Variants in SV2C observed in about 807,000 individuals in gnomAD.
SV2C encodes solute carrier family 22 member B3.
SV2C carries 49 observed loss-of-function variants against 79.7 expected under a neutral mutation model. The ratio of observed to expected loss-of-function variants is 0.61; its 90% CI spans 0.49 to 0.78. The LOEUF is 0.78. Among genes scored for constraint, SV2C ranks in the 30% least tolerant of loss-of-function variants. The pLI is 0.00. For synonymous variants in SV2C, 334 were observed against 333.2 expected (o/e 1.00, Z -0.03); for missense variants, 833 against 912.9 (o/e 0.91, Z 1.13).
At chr5:76,128,872 G>A (rs972727808) in intron 1 of SV2C, among the ~76,000 whole-genome samples, 2 of 152,182 alleles carry the variant, frequency 1.3e-5, no homozygotes, top group Non-Finnish European at 2.9e-5. Context: ...CACACCCGGT[G>A]TGTAAGCCCC....
Position 76,300,719 on chromosome 5 carries a change from GT to G in SV2C, c.1637-7del. ...AGCTTGATGAATTGTCTTTGTTGTTGTTTCTACAGATTTTGAGCCATATAAA... is the reference window on the plus strand; with the variant it reads ...AGCTTGATGAATTGTCTTTGTTGTTGTTCTACAGATTTTGAGCCATATAAA... On this transcript the variant is annotated splice_polypyrimidine_tract_variant and intron_variant, in intron 10 of 12. Transcript: ENST00000502798. The G allele has an allele frequency of 1.2e-6, 2 of 1,613,444 alleles. No homozygotes were observed. The highest frequency in any genetic ancestry group is 1.7e-6 in the Non-Finnish European group (2 of 1,179,492).
chr5:76,192,642 C>G (rs1330473939), intron 2 of SV2C, among the ~76,000 whole-genome samples: 1 of 152,216 alleles, frequency 6.6e-6, no homozygotes, highest in Non-Finnish European at 1.5e-5. Context: ...CCTTTGCCAA[C>G]ATTTAAAGGT....
intron 4 of SV2C, among the ~76,000 whole-genome samples, chr5:76,212,817 G>A (rs1460007149): frequency 1.3e-5 from 2 of 152,098 alleles, no homozygotes; most frequent in Non-Finnish European, 2.9e-5. Flanking sequence ...TTGAACTCTG[G>A]ATGGTTCCAG....
the SV2C span, among the ~76,000 whole-genome samples, chr5:75,923,062 A>G: frequency 6.6e-6 from 1 of 152,236 alleles, no homozygotes; most frequent in African/African-American, 2.4e-5. Context: ...ACTGGCATAA[A>G]AATAGGCATG....
chr5:75,934,121 G>C, the SV2C span, among the ~76,000 whole-genome samples: 1 of 152,060 alleles, frequency 6.6e-6, no homozygotes, highest in Non-Finnish European at 1.5e-5. Flanking sequence ...AGCTGAAAGT[G>C]ATTTATCCAA....
chr5:75,850,043 C>A, the SV2C span, among the ~76,000 whole-genome samples: 8 of 152,010 alleles, frequency 5.3e-5, no homozygotes, highest in Non-Finnish European at 1.2e-4. Context: ...GATTTAATAT[C>A]TTTGATATGG....
chr5:76,212,888 T>G (rs1192169247), intron 4 of SV2C, among the ~76,000 whole-genome samples: 1 of 152,216 alleles, frequency 6.6e-6, no homozygotes, highest in Non-Finnish European at 1.5e-5. Flanking sequence ...ATAAGCATGA[T>G]CACCACTTTC....
the SV2C span, among the ~76,000 whole-genome samples, chr5:76,017,813 C>T: frequency 1.3e-5 from 2 of 152,120 alleles, no homozygotes; most frequent in African/African-American, 4.8e-5. Flanking sequence ...ATTGAGGTGC[C>T]AATCAGATGC....
At chr5:75,940,681 G>A in the SV2C span, among the ~76,000 whole-genome samples, 3 of 152,100 alleles carry the variant, frequency 2.0e-5, no homozygotes, top group Admixed American at 1.3e-4. Flanking sequence ...GTACCAAATC[G>A]ATGAAAGAGA....
chr5:76,268,961 C>T (rs1746755762), intron 4 of SV2C, among the ~76,000 whole-genome samples: 1 of 152,212 alleles, frequency 6.6e-6, no homozygotes, highest in Admixed American at 6.5e-5. Flanking sequence ...TCCTAAAAGT[C>T]GGTTTTCACA....
the SV2C span, among the ~76,000 whole-genome samples, chr5:76,046,310 T>A: frequency 6.6e-6 from 1 of 152,008 alleles, no homozygotes; most frequent in Admixed American, 6.5e-5. Context: ...TGCTAAAATA[T>A]GCTAAAATAA....
At chr5:76,096,270 T>C (rs899444550) in intron 1 of SV2C, among the ~76,000 whole-genome samples, 6 of 152,322 alleles carry the variant, frequency 3.9e-5, no homozygotes, top group Admixed American at 3.9e-4. Context: ...ATGTCCAACA[T>C]CATAAATTTC....
chr5:76,176,155 G>T (rs148418964), intron 2 of SV2C, among the ~76,000 whole-genome samples: 223 of 152,246 alleles, frequency 1.5e-3, no homozygotes, highest in African/African-American at 5.2e-3. Context: ...AGTTTACTAC[G>T]TTTAGTCTAA....
At chr5:75,901,793 C>G in the SV2C span, among the ~76,000 whole-genome samples, 1 of 152,368 alleles carries the variant, frequency 6.6e-6, no homozygotes, top group African/African-American at 2.4e-5. Flanking sequence ...TGGGCAATGG[C>G]AGGTGCCCCT....
upstream of SV2C, among the ~76,000 whole-genome samples, chr5:76,081,321 A>G (rs1484107865): frequency 6.6e-6 from 1 of 152,220 alleles, no homozygotes. Context: ...GAGGTTCTCA[A>G]AAAGGTAACC....
At chr5:75,941,470 T>G in the SV2C span, among the ~76,000 whole-genome samples, 7 of 152,338 alleles carry the variant, frequency 4.6e-5, no homozygotes, top group Admixed American at 3.9e-4. Context: ...ATTTGAAGGA[T>G]GTACAAAAAA....
intron 10 of SV2C, among the ~76,000 whole-genome samples, chr5:76,299,857 C>T (rs1319113005): frequency 6.6e-6 from 1 of 152,202 alleles, no homozygotes; most frequent in Non-Finnish European, 1.5e-5. Flanking sequence ...TTAGCAGAAA[C>T]CACCACCATC....
chr5:76,168,599 T>C (rs1743115491), intron 2 of SV2C, among the ~76,000 whole-genome samples: 1 of 152,226 alleles, frequency 6.6e-6, no homozygotes, highest in South Asian at 2.1e-4. Flanking sequence ...GCATTTCTTA[T>C]GCCGCGTTGC....
chr5:76,196,153 T>G (rs1744265901), intron 3 of SV2C, among the ~76,000 whole-genome samples: 1 of 152,218 alleles, frequency 6.6e-6, no homozygotes, highest in African/African-American at 2.4e-5. Flanking sequence ...GTCAGAGGAC[T>G]ATAGCATGTC....
Sources: allele counts gnomAD v4.1 joint callset (sites outside exome capture counted in the v4.1 genomes callset), GRCh38; gene constraint gnomAD v4.1.1; transcripts MANE v1.5; gene names NCBI Gene and HGNC (gene_info 2026-07-23, HGNC 2026-07-21).